GNAO1: variants seen among roughly 807,000 people sequenced by gnomAD.
GNAO1 encodes guanine nucleotide-binding protein G(o) subunit alpha.
For synonymous variants in GNAO1, 164 were observed against 180.7 expected (o/e 0.91, Z 0.74); for missense variants, 166 against 478.7 (o/e 0.35, Z 6.10).
In GNAO1 at chr16:56,354,923, A is replaced by G; in HGVS notation, c.935A>G (p.Asn312Ser). The change falls in exon 8 of 9, where the codon AAC becomes AGC. Residue 312 changes from asparagine (N) to serine (S), a missense_variant. Coordinates refer to ENST00000262493, the MANE Select transcript of GNAO1 (RefSeq NM_020988.3). This position sits in a 1 kb window ranked among gnomAD's most constrained non-coding sequence, Gnocchi z 4.3. Reference sequence around the variant, plus strand: ...ATCCAAGCACAATTTGAAAGCAAAAACCGCTCACCCAACAAAGAAATATAT... The same window carrying G: ...ATCCAAGCACAATTTGAAAGCAAAAGCCGCTCACCCAACAAAGAAATATAT... ...AYIQAQFESKNRSPNKEIYCH... is the reference protein window; with the variant it reads ...AYIQAQFESKSRSPNKEIYCH... 1.9e-6 allele frequency: 3 copies of G among 1,613,482 alleles called. No individual in the cohort carries two copies.
chr16:56,338,955 C>T (rs7193016), intron 6 of GNAO1, among the ~76,000 whole-genome samples: 32,221 of 152,256 alleles, frequency 0.21, 3,630 homozygotes, highest in South Asian at 0.31. Flanking sequence ...GAGCAGAGGA[C>T]CTTGGAGAAG....
At chr16:56,315,852 G>A (rs1380155472) in intron 3 of GNAO1, among the ~76,000 whole-genome samples, 1 of 151,640 alleles carries the variant, frequency 6.6e-6, no homozygotes, top group Non-Finnish European at 1.5e-5. Flanking sequence ...GACCAGCCTG[G>A]CCAAGAGACC....
chr16:56,344,567 C>T, intron 6 of GNAO1: 2 of 986,324 alleles, frequency 2.0e-6, no homozygotes, highest in Middle Eastern at 5.2e-4. Context: ...TCCCAGAGAA[C>T]TCCCATCCCT....
chr16:56,283,508 A>G (rs1166742973), intron 3 of GNAO1, among the ~76,000 whole-genome samples: 2 of 152,214 alleles, frequency 1.3e-5, no homozygotes, highest in East Asian at 1.9e-4. Flanking sequence ...AAGTCACACA[A>G]TGGAGCTCAG....
chr16:56,264,303 G>A (rs2036931784), intron 2 of GNAO1, among the ~76,000 whole-genome samples: 2 of 152,234 alleles, frequency 1.3e-5, no homozygotes, highest in African/African-American at 4.8e-5. Flanking sequence ...AAGGAACAGA[G>A]CTCTAGCAGG....
At chr16:56,314,384 T>C (rs564837876) in intron 3 of GNAO1, among the ~76,000 whole-genome samples, 1 of 152,330 alleles carries the variant, frequency 6.6e-6, no homozygotes, top group South Asian at 2.1e-4. Flanking sequence ...GGAAAAGCAG[T>C]GTCCCATGAA....
intron 5 of GNAO1, 86 bp from the exon 6 acceptor site, chr16:56,336,645 C>T: frequency 1.6e-6 from 2 of 1,282,018 alleles, no homozygotes; most frequent in Non-Finnish European, 2.1e-6. Context: ...CCCCCATCCT[C>T]TGCCTCTCAG....
intron 3 of GNAO1, among the ~76,000 whole-genome samples, chr16:56,318,921 G>C (rs1302064683): frequency 6.6e-6 from 1 of 152,196 alleles, no homozygotes; most frequent in African/African-American, 2.4e-5. Context: ...GGAGTAGTGA[G>C]AGAACAGAGG....
intron 2 of GNAO1, among the ~76,000 whole-genome samples, chr16:56,227,687 C>CAAAAAAAAA (rs386384777): frequency 1.6e-5 from 1 of 61,954 alleles, no homozygotes; most frequent in Non-Finnish European, 2.9e-5. Context: ...GACCCTGTCT[C>CAAAAAAAAA]AAAAAAAAAA....
chr16:56,302,263 A>C (rs1596852465), intron 3 of GNAO1: 4 of 147,710 alleles, frequency 2.7e-5, no homozygotes, highest in African/African-American at 5.1e-5. Context: ...CCCACCACCC[A>C]CCTCCTCTCT....
rs370658719 is a variant in GNAO1, at chr16:56,336,907, G to A, written c.723+47G>A. The A allele has an allele frequency of 1.6e-4, 248 of 1,566,492 alleles. 1 individual carries two copies. The highest frequency in any genetic ancestry group is 4.1e-5 in the African/African-American group (3 of 74,074). On this transcript the variant is annotated intron_variant, in intron 6 of 8. Transcript: ENST00000262493. ...GGCAGGGGGCAGCGCTGAGGAGACG[G>A]CCGCAGGATAGGCCAGCCCTCTGAG...
chr16:56,263,198 G>A (rs1412480376), intron 2 of GNAO1, among the ~76,000 whole-genome samples: 1 of 152,226 alleles, frequency 6.6e-6, no homozygotes, highest in Admixed American at 6.5e-5. Flanking sequence ...GGCTATGAGT[G>A]GGGGATGGTG....
At chr16:56,198,939 T>C (rs1446356528) in intron 2 of GNAO1, among the ~76,000 whole-genome samples, 1 of 152,188 alleles carries the variant, frequency 6.6e-6, no homozygotes, top group East Asian at 1.9e-4. Flanking sequence ...GCGCAGCTGC[T>C]TCAGCCCAAG....
intron 2 of GNAO1, among the ~76,000 whole-genome samples, chr16:56,216,455 C>T (rs2036437655): frequency 6.6e-6 from 1 of 152,198 alleles, no homozygotes; most frequent in Non-Finnish European, 1.5e-5. Flanking sequence ...ATCCATGAAC[C>T]TTCTTCATTC....
In GNAO1 at chr16:56,316,262, G is replaced by A. The variant is rs545622537; in HGVS notation, c.304-12369G>A. ...TGAATGTCCCAGGCCCCAACACATG[G>A]AAGGCCTGGCATTTCCTCTGCCAGG... On this transcript the variant is annotated intron_variant, in intron 3 of 8. Coordinates refer to ENST00000262493, the MANE Select transcript of GNAO1 (RefSeq NM_020988.3). 1.7e-4 allele frequency among the ~76,000 whole-genome samples: 26 copies of A among 152,262 alleles called. No homozygotes were observed. The South Asian group carries it at 5.4e-3, about 32-fold the overall frequency.
At chr16:56,248,848 A>T (rs909295752) in intron 2 of GNAO1, among the ~76,000 whole-genome samples, 1 of 152,244 alleles carries the variant, frequency 6.6e-6, no homozygotes, top group South Asian at 2.1e-4. Flanking sequence ...TAGAGGCTGC[A>T]GAAGGACTTG....
At chr16:56,257,336 G>T (rs1321389921) in intron 2 of GNAO1, among the ~76,000 whole-genome samples, 1 of 152,204 alleles carries the variant, frequency 6.6e-6, no homozygotes, top group Non-Finnish European at 1.5e-5. Flanking sequence ...AATGCAGAAG[G>T]TGCCTTTCCT....
chr16:56,194,332 C>G, intron 2 of GNAO1: 2 of 448,456 alleles, frequency 4.5e-6, no homozygotes, highest in South Asian at 1.6e-5. Flanking sequence ...GTCTGGAGCC[C>G]TTGCAGATCT....
intron 2 of GNAO1, among the ~76,000 whole-genome samples, chr16:56,252,440 T>C (rs8059123): frequency 9.5e-4 from 144 of 152,352 alleles, no homozygotes; most frequent in African/African-American, 3.1e-3. Context: ...GTGGGCACTC[T>C]AGTGCCTTGC....
Sources: allele counts gnomAD v4.1 joint callset (sites outside exome capture counted in the v4.1 genomes callset), GRCh38; gene constraint gnomAD v4.1.1; non-coding constraint Gnocchi (gnomAD v3.1); transcripts MANE v1.5; gene names NCBI Gene and HGNC (gene_info 2026-07-23, HGNC 2026-07-21).